The following ABCA13 variants were observed in gnomAD, a reference collection of about 807,000 sequenced individuals.
ABCA13 encodes ATP binding cassette subfamily A member 13, also known as ATP-binding cassette sub-family A member 13.
Under a neutral mutation model 478.7 loss-of-function variants are expected in ABCA13, and 476 were observed. The observed-to-expected ratio is 0.99, with a 90% CI of 0.92 to 1.07. The LOEUF is 1.07. Among genes scored for constraint, ABCA13 ranks in the 50% least tolerant of loss-of-function variants. The pLI is 0.00. For missense variants in ABCA13, 6,060 were observed against 5,910.6 expected (o/e 1.03, Z -0.83); for synonymous variants, 2,252 against 2,158.9 (o/e 1.04, Z -1.20).
rs749643186 is a variant in ABCA13, at chr7:48,249,329, G to C, written c.1983G>C (p.Glu661Asp). The change falls in exon 15 of 62, where the codon GAG becomes GAC. Residue 661 changes from glutamate to aspartate, a missense_variant. Glu to Asp is a conservative substitution (Grantham distance 45). This residue lies in a region of ABCA13 where 4,423 missense variants were observed against 4,309.1 expected (regional missense o/e 1.03). Coordinates refer to ENST00000435803, the MANE Select transcript of ABCA13 (RefSeq NM_152701.5). ...CEVAQYVNMQESFQNRLLAFP... is the reference protein window; with the variant it reads ...CEVAQYVNMQDSFQNRLLAFP... ...TGGCCCAATATGTAAATATGCAAGA[G>C]AGTTTCCAGAACAGACTATTGGGTA... 2.0e-5 allele frequency: 33 copies of C among 1,613,250 alleles called. No homozygotes were observed. In the South Asian group the frequency reaches 3.4e-4, roughly 17 times the overall value.
rs1348563655 is a variant in ABCA13 at position 48,624,634 on chromosome 7, C to A, written c.14837+9257C>A. On this transcript the variant is annotated intron_variant, in intron 59 of 61. Transcript: ENST00000435803. Reference sequence around the variant, plus strand: ...GCAATGACACGATCTCGGCTCACTGCAACCTCTCTGTCCCAGGTTCAAGCG... The same window carrying A: ...GCAATGACACGATCTCGGCTCACTGAAACCTCTCTGTCCCAGGTTCAAGCG... Among the ~76,000 whole-genome samples, 6 of 151,992 alleles carry A rather than the reference C, an allele frequency of 3.9e-5. No individual in the cohort carries two copies. The East Asian group carries it at 1.2e-3, about 30-fold the overall frequency.
intron 43 of ABCA13, among the ~76,000 whole-genome samples, chr7:48,457,983 TATC>T (rs775521319): frequency 2.0e-5 from 3 of 152,238 alleles, no homozygotes; most frequent in African/African-American, 4.8e-5. Context: ...GAAGAATAAC[TATC>T]ATCATTTGAT....
chr7:48,245,404 T>G, intron 11 of ABCA13, 108 bp from the exon 12 acceptor site: 1 of 824,576 alleles, frequency 1.2e-6, no homozygotes, highest in Non-Finnish European at 1.9e-6. Flanking sequence ...TAGGTCAAGT[T>G]TTTAAAAAAT....
chr7:48,322,821 G>C (rs759899767), intron 27 of ABCA13, among the ~76,000 whole-genome samples: 1 of 151,900 alleles, frequency 6.6e-6, no homozygotes, highest in African/African-American at 2.4e-5. Context: ...TCCATTGCCC[G>C]AGCCCACACC....
chr7:48,407,357 T>C (rs1242913469), intron 39 of ABCA13, among the ~76,000 whole-genome samples: 2 of 151,530 alleles, frequency 1.3e-5, no homozygotes, highest in Non-Finnish European at 2.9e-5. Context: ...ATGCCTGTAG[T>C]CCCAGCTGCT....
At chr7:48,247,352 C>A (rs2128683759) in intron 13 of ABCA13, among the ~76,000 whole-genome samples, 1 of 152,200 alleles carries the variant, frequency 6.6e-6, no homozygotes, top group Non-Finnish European at 1.5e-5. Flanking sequence ...TCTTTCCTGG[C>A]AGAAATCCTA....
intron 15 of ABCA13, 107 bp from the exon 16 acceptor site, chr7:48,268,873 T>A: frequency 4.1e-5 from 13 of 317,104 alleles, no homozygotes; most frequent in South Asian, 1.6e-4. Context: ...TTTTTTTTTT[T>A]AACATTTTCA....
At chr7:48,259,097 G>A (rs1793814719) in intron 15 of ABCA13, among the ~76,000 whole-genome samples, 1 of 152,066 alleles carries the variant, frequency 6.6e-6, no homozygotes, top group African/African-American at 2.4e-5. Flanking sequence ...TTTTGTGGTA[G>A]AGGATTCTGT....
At chr7:48,285,283 A>G (rs1037478444) in intron 19 of ABCA13, among the ~76,000 whole-genome samples, 2 of 152,148 alleles carry the variant, frequency 1.3e-5, no homozygotes, top group African/African-American at 4.8e-5. Flanking sequence ...GGAAAGCCAG[A>G]GTGGGTCTGA....
At chr7:48,355,506 G>A (rs1236827395) in intron 31 of ABCA13, among the ~76,000 whole-genome samples, 2 of 152,020 alleles carry the variant, frequency 1.3e-5, no homozygotes, top group Non-Finnish European at 2.9e-5. Context: ...CAGGAGTGAT[G>A]TCATCATCTG....
chr7:48,348,662 C>A (rs962988594), intron 29 of ABCA13, among the ~76,000 whole-genome samples: 1 of 152,204 alleles, frequency 6.6e-6, no homozygotes, highest in Non-Finnish European at 1.5e-5. Flanking sequence ...ATCTTATTTA[C>A]TAAATGGCTT....
At chr7:48,431,345 C>CAACAA (rs1337809644) in intron 42 of ABCA13, among the ~76,000 whole-genome samples, 138 of 22,526 alleles carry the variant, frequency 6.1e-3, no homozygotes, top group African/African-American at 0.015. Flanking sequence ...CTGTCTCAAA[C>CAACAA]AACAACAACA....
chr7:48,303,637 A>G (rs1186374096), intron 23 of ABCA13, among the ~76,000 whole-genome samples: 1 of 152,090 alleles, frequency 6.6e-6, no homozygotes, highest in African/African-American at 2.4e-5. Context: ...AAGATCAGAT[A>G]GTTATAGGTT....
chr7:48,326,533 G>A (rs1004902582), intron 27 of ABCA13, among the ~76,000 whole-genome samples: 5 of 152,192 alleles, frequency 3.3e-5, no homozygotes, highest in African/African-American at 7.2e-5. Context: ...GCTAATGTTG[G>A]TTGCAAACCT....
At position 48,234,291 on chromosome 7, in the gene ABCA13, C is replaced by T. The variant is rs145540936; in HGVS notation, c.897+140C>T. 217 of 1,071,258 alleles carry T rather than the reference C, an allele frequency of 2.0e-4. No homozygotes were observed. The East Asian group carries it at 2.8e-3, about 14-fold the overall frequency. The allele number at this position is 1,071,258 out of a possible 1,614,324, so 66.4% of individuals were successfully genotyped here. ...GTTCGGTCAAAACCCGAGCTCCTTA[C>T]GCAGAAGAGACCCCTACTGTCTCCA... On this transcript the variant is annotated intron_variant, in intron 8 of 61. Coordinates refer to ENST00000435803, the MANE Select transcript of ABCA13 (RefSeq NM_152701.5).
intron 55 of ABCA13, among the ~76,000 whole-genome samples, chr7:48,532,791 G>T (rs1371243859): frequency 6.6e-6 from 1 of 151,878 alleles, no homozygotes; most frequent in Non-Finnish European, 1.5e-5. Context: ...TTATGTGTGT[G>T]AAGGTGTTTA....
chr7:48,418,824 A>G (rs12536579), intron 41 of ABCA13, among the ~76,000 whole-genome samples: 57,690 of 152,114 alleles, frequency 0.38, 11,547 homozygotes, highest in African/African-American at 0.51. Flanking sequence ...AATACCTTGC[A>G]TTATAGAATA....
intron 42 of ABCA13, among the ~76,000 whole-genome samples, chr7:48,452,813 A>G (rs1468953029): frequency 6.6e-6 from 1 of 152,266 alleles, no homozygotes; most frequent in East Asian, 1.9e-4. Context: ...TGAAGATATC[A>G]AGTAATTATT....
chr7:48,423,421 C>T (rs575743152), intron 41 of ABCA13, among the ~76,000 whole-genome samples: 2 of 152,258 alleles, frequency 1.3e-5, no homozygotes, highest in East Asian at 3.9e-4. Flanking sequence ...AAAAAAGTAC[C>T]TTGCACTGAC....
Sources: allele counts gnomAD v4.1 joint callset (sites outside exome capture counted in the v4.1 genomes callset), GRCh38; gene constraint gnomAD v4.1.1; regional missense constraint gnomAD v4.1.1; transcripts MANE v1.5; gene names NCBI Gene and HGNC (gene_info 2026-07-23, HGNC 2026-07-21).